The following DIO2 variants were observed in gnomAD, a reference collection of about 807,000 sequenced individuals.
DIO2 encodes iodothyronine deiodinase 2.
DIO2 carries 19 observed loss-of-function variants against 21.4 expected under a neutral mutation model. The observed-to-expected ratio is 0.89, with a 90% CI of 0.62 to 1.30. The LOEUF (loss-of-function observed/expected upper bound fraction) is 1.30. Among genes scored for constraint, DIO2 ranks in the 50% most tolerant of loss-of-function variants. The pLI, the probability that DIO2 is intolerant of heterozygous loss-of-function variation, is 0.00. For missense variants in DIO2, 302 were observed against 338.1 expected (o/e 0.89, Z 0.84); for synonymous variants, 122 against 132.9 (o/e 0.92, Z 0.57).
rs183707832 is a variant in DIO2 at position 80,217,412 on chromosome 14, T to C, written c.-277-675A>G. Among the ~76,000 whole-genome samples the C allele has an allele frequency of 2.6e-4, 40 of 152,294 alleles. No individual in the cohort carries two copies. In the East Asian group the frequency reaches 7.1e-3, roughly 27 times the overall value. On this transcript the variant is annotated intron_variant, in intron 2 of 4. Transcript: ENST00000553594. Reference sequence around the variant, plus strand: ...CAGAGCCACTGGTGGAACACAATAATTTATAAATTATTGTTCTGTTTCCAT... The same window carrying C: ...CAGAGCCACTGGTGGAACACAATAACTTATAAATTATTGTTCTGTTTCCAT...
At chr14:80,229,031 G>A (rs1888633813) in intron 2 of DIO2, among the ~76,000 whole-genome samples, 1 of 152,116 alleles carries the variant, frequency 6.6e-6, no homozygotes, top group Non-Finnish European at 1.5e-5. Context: ...CTAACCTCAA[G>A]GGGACCCAGC....
chr14:80,227,802 A>G (rs1888605564), intron 2 of DIO2, among the ~76,000 whole-genome samples: 1 of 152,182 alleles, frequency 6.6e-6, no homozygotes, highest in Non-Finnish European at 1.5e-5. Context: ...TTGAATCACT[A>G]GATAAAGGGG....
In DIO2 at chr14:80,202,921, T is replaced by A. The variant is rs770488856; in HGVS notation, c.590A>T (p.Gln197Leu). 3.1e-6 allele frequency: 5 copies of A among 1,613,902 alleles called. No homozygotes were observed. The highest frequency in any genetic ancestry group is 1.7e-5 in the Admixed American group (1 of 60,000). The change falls in exon 2 of 2, where the codon CAG (glutamine) becomes CTG (leucine). Residue 197 changes from glutamine (Q) to leucine (L), a missense_variant. By Grantham distance (113) the Gln-to-Leu change is moderately radical. Transcript: ENST00000438257. ...CGGCAAGGAGAAACGCTCCAGAAGC[T>A]GCTGGGCTGCTGCACATCGATCTTC... The part of the protein sequence containing the change: ...NQEDRCAAAQ[Q>L]LLERFSLPPQ...
At chr14:80,208,379 T>A (rs909591780) in intron 1 of DIO2, among the ~76,000 whole-genome samples, 7 of 149,484 alleles carry the variant, frequency 4.7e-5, no homozygotes, top group Admixed American at 1.3e-4. Flanking sequence ...AGGGTTTATT[T>A]AAAAAAAAAA....
intron 1 of DIO2, among the ~76,000 whole-genome samples, chr14:80,204,027 T>C (rs1358780676): frequency 6.6e-6 from 1 of 152,214 alleles, no homozygotes; most frequent in Non-Finnish European, 1.5e-5. Flanking sequence ...TATCAGATGC[T>C]ACCCCACCAT....
At chr14:80,227,315 C>G (rs1324015336) in intron 2 of DIO2, among the ~76,000 whole-genome samples, 1 of 152,168 alleles carries the variant, frequency 6.6e-6, no homozygotes, top group Non-Finnish European at 1.5e-5. Flanking sequence ...GCATTTGAGC[C>G]ACTTTCTCAC....
chr14:80,215,635 T>C (rs979336065), upstream of DIO2, among the ~76,000 whole-genome samples: 1 of 152,216 alleles, frequency 6.6e-6, no homozygotes, highest in African/African-American at 2.4e-5. Context: ...CATTTTTACT[T>C]TCTTAAAAAC....
rs1394027281 is a variant in DIO2 at position 80,198,723 on chromosome 14, A to T, written c.*3966T>A. On this transcript the variant is annotated 3_prime_UTR_variant, in exon 2 of 2. Transcript: ENST00000438257. ...TTTTAGAGTGAAGGAGGAAGTTGGA[A>T]TCTAACTATATATATTTTAACTCTG... is the stretch of plus-strand genomic sequence containing the variant. The T allele has an allele frequency of 6.6e-6, 1 of 150,952 alleles. No individual in the cohort carries two copies. Among genetic ancestry groups the T allele is most frequent in the African/African-American group, 2.4e-5 (1 of 40,930 alleles). 9.4% of individuals were successfully genotyped at this position (150,952 alleles called of 1,614,324 possible).
Position 80,197,687 on chromosome 14 carries a change from G to A in DIO2, c.*5002C>T, listed in dbSNP as rs1408705870. 6.6e-6 allele frequency: 1 copy of A among 152,588 alleles called. No homozygotes were observed. Among genetic ancestry groups the A allele is most frequent in the South Asian group, 2.1e-4 (1 of 4,834 alleles). The allele number at this position is 152,588 out of a possible 1,614,324, so 9.5% of individuals were successfully genotyped here. The stretch of plus-strand genomic sequence containing the variant: ...GCACATATGTGTAGCATATGCACGC[G>A]TGCATTCTCACCACATTTACCCAGG... On this transcript the variant is annotated 3_prime_UTR_variant, in exon 2 of 2. Transcript: ENST00000438257.
At chr14:80,210,688 G>A (rs775469835) in intron 1 of DIO2, among the ~76,000 whole-genome samples, 19 of 152,146 alleles carry the variant, frequency 1.2e-4, no homozygotes, top group Non-Finnish European at 2.6e-4. Flanking sequence ...GTGGCACACA[G>A]CTGCTTGCTT....
At chr14:80,205,318 C>T (rs1407715064) in intron 1 of DIO2, among the ~76,000 whole-genome samples, 2 of 151,940 alleles carry the variant, frequency 1.3e-5, no homozygotes, top group Non-Finnish European at 2.9e-5. Context: ...TACTGTGTGC[C>T]TCAACGTACC....
At chr14:80,220,106 G>A (rs1888436715) in intron 2 of DIO2, among the ~76,000 whole-genome samples, 1 of 151,508 alleles carries the variant, frequency 6.6e-6, no homozygotes, top group African/African-American at 2.4e-5. Context: ...AGGGAGTCTC[G>A]CTCTGTCGCC....
Position 80,200,725 on chromosome 14 carries a change from C to T in DIO2, c.*1964G>A, listed in dbSNP as rs1006555192. On this transcript the variant is annotated 3_prime_UTR_variant, in exon 2 of 2. Transcript: ENST00000438257. ...TGGGTGGTTTTTATAGAATTTAGAA[C>T]ATTAGAAAGCTGATGTTGCCATGAA... 5 of 152,116 alleles carry T rather than the reference C, an allele frequency of 3.3e-5. No homozygotes were observed. Among genetic ancestry groups the T allele is most frequent in the African/African-American group, 1.2e-4 (5 of 41,416 alleles). The allele number at this position is 152,116 out of a possible 1,614,324, so 9.4% of individuals were successfully genotyped here. A position where few individuals can be genotyped will look rare whatever the true frequency, so the allele number is the denominator to read the frequency against.
Position 80,209,350 on chromosome 14 carries a change from G to GT in DIO2, c.222+1900dup, listed in dbSNP as rs200502602. Among the ~76,000 whole-genome samples the GT allele has an allele frequency of 0.021, 3,034 of 143,828 alleles. 140 individuals are homozygous for GT. The East Asian group carries it at 0.22, about 10-fold the overall frequency. 94.4% of individuals were successfully genotyped at this position (143,828 alleles called of 152,430 possible). On this transcript the variant is annotated intron_variant, in intron 1 of 1. Transcript: ENST00000438257. ...TATATAAGTAAAATTCTTCCAATAA[G>GT]TTTTTTTTTTTTTACTTTATAGGCA...
At chr14:80,211,578 G>A (rs974335011), upstream of DIO2, 1 of 224,942 alleles carries the variant, frequency 4.4e-6, no homozygotes, top group Non-Finnish European at 7.9e-6. Flanking sequence ...AAGGGGGAAG[G>A]TTGGGGGTTG....
At chr14:80,206,381 C>G in intron 1 of DIO2, 1 of 1,070,868 alleles carries the variant, frequency 9.3e-7, no homozygotes, top group South Asian at 1.5e-5. Flanking sequence ...TGGAAGTTTC[C>G]TTTAACCTAA....
chr14:80,202,182 A>T lies in DIO2; in HGVS notation c.*507T>A, dbSNP rs538315879. 16 of 393,224 alleles carry T rather than the reference A, an allele frequency of 4.1e-5. No individual in the cohort carries two copies. The highest frequency in any genetic ancestry group is 3.3e-4 in the African/African-American group (16 of 48,186). 24.4% of individuals were successfully genotyped at this position (393,224 alleles called of 1,614,324 possible). On this transcript the variant is annotated 3_prime_UTR_variant, in exon 2 of 2. Coordinates refer to ENST00000438257, the MANE Select transcript of DIO2 (RefSeq NM_013989.5). Reference sequence around the variant, plus strand: ...CTGGAACATCAGAAATGACTCTAACATAAGGTCTAACCTTAACACCAACGT... The same window carrying T: ...CTGGAACATCAGAAATGACTCTAACTTAAGGTCTAACCTTAACACCAACGT...
chr14:80,204,502 C>T (rs965791633), intron 1 of DIO2, among the ~76,000 whole-genome samples: 1 of 152,116 alleles, frequency 6.6e-6, no homozygotes, highest in Admixed American at 6.5e-5. Context: ...TCATAAAAAG[C>T]AGGCAACAAT....
chr14:80,202,283 T>C lies in DIO2; in HGVS notation c.*406A>G, dbSNP rs900473326. The C allele has an allele frequency of 9.6e-6, 5 of 520,494 alleles. No individual in the cohort carries two copies. The highest frequency in any genetic ancestry group is 1.5e-5 in the Non-Finnish European group (4 of 261,764). The allele number at this position is 520,494 out of a possible 1,614,324, so 32.2% of individuals were successfully genotyped here. On this transcript the variant is annotated 3_prime_UTR_variant, in exon 2 of 2. Transcript: ENST00000438257. ...CCAACTGGGCTCCATCCATGCCAAA[T>C]AGAGCCAAGGCAATACCCTTTATCT...
Sources: allele counts gnomAD v4.1 joint callset (sites outside exome capture counted in the v4.1 genomes callset), GRCh38; gene constraint gnomAD v4.1.1; transcripts MANE v1.5; gene names NCBI Gene and HGNC (gene_info 2026-07-23, HGNC 2026-07-21).